Variants in AIG1 observed in about 807,000 individuals in gnomAD.
AIG1 encodes the protein androgen induced 1, also known as androgen-induced gene 1 protein.
A neutral mutation model predicts 31.4 loss-of-function variants in AIG1; 23 were observed. The observed-to-expected ratio is 0.73, with a 90% CI of 0.53 to 1.04. The LOEUF is 1.04. AIG1 is among the 50% of genes least tolerant of loss of function. The pLI is 0.00. For synonymous variants in AIG1, 100 were observed against 110.5 expected (o/e 0.90, Z 0.60); for missense variants, 274 against 295.0 (o/e 0.93, Z 0.52).
rs116644953 is a variant in AIG1 at position 143,115,933 on chromosome 6, C to T, written c.142-20902C>T. ...CAACACACTTGATGGTCCTGGTTAG[C>T]ATTAACATGACATAGTTTTATGACT... On this transcript the variant is annotated intron_variant, in intron 1 of 5. Coordinates refer to ENST00000357847, the MANE Select transcript of AIG1 (RefSeq NM_016108.4). Among the ~76,000 whole-genome samples, 439 of 152,326 alleles carry T rather than the reference C, an allele frequency of 2.9e-3. 3 individuals carry two copies. Among genetic ancestry groups the T allele is most frequent in the African/African-American group, 0.01 (417 of 41,584 alleles).
rs142203260 is a variant in AIG1 at position 143,127,905 on chromosome 6, C to G, written c.142-8930C>G. 2.9e-3 allele frequency among the ~76,000 whole-genome samples: 445 copies of G among 152,234 alleles called. 13 individuals carry two copies. The East Asian group carries it at 0.054, about 18-fold the overall frequency. ...GTTTTACCATGTTGGCCAGGCTGGT[C>G]TGGAACTCCTGACCTCAAGTGATCC... On this transcript the variant is annotated intron_variant, in intron 1 of 5. Transcript: ENST00000357847.
chr6:143,278,126 A>G (rs1254343136), intron 3 of AIG1, among the ~76,000 whole-genome samples: 1 of 152,190 alleles, frequency 6.6e-6, no homozygotes, highest in African/African-American at 2.4e-5. Context: ...TAGTGTGAAC[A>G]TTTTTCCTTT....
At position 143,119,160 on chromosome 6, in the gene AIG1, A is replaced by G. The variant is rs370275545; in HGVS notation, c.142-17675A>G. Among the ~76,000 whole-genome samples, 31 of 152,280 alleles carry G rather than the reference A, an allele frequency of 2.0e-4. No individual in the cohort carries two copies. The East Asian group carries it at 3.9e-3, about 19-fold the overall frequency. The stretch of plus-strand genomic sequence containing the variant: ...AAGAGCAAAAGAATTTTCAAAGTAC[A>G]TAGCGTGCTTATCACCTGCTGACAA... On this transcript the variant is annotated intron_variant, in intron 1 of 5. Transcript: ENST00000357847.
chr6:143,071,215 A>G (rs773413313), intron 1 of AIG1, among the ~76,000 whole-genome samples: 5 of 152,184 alleles, frequency 3.3e-5, no homozygotes, highest in Admixed American at 2.0e-4. Flanking sequence ...TGCTTTTTTT[A>G]AAAATCAGAA....
At chr6:143,243,859 C>T (rs1362461140) in intron 3 of AIG1, among the ~76,000 whole-genome samples, 2 of 152,162 alleles carry the variant, frequency 1.3e-5, no homozygotes, top group African/African-American at 2.4e-5. Flanking sequence ...GCACTCATAC[C>T]TCATCTCCCC....
intron 3 of AIG1, among the ~76,000 whole-genome samples, chr6:143,186,173 T>C (rs924981858): frequency 6.6e-6 from 1 of 152,240 alleles, no homozygotes; most frequent in South Asian, 2.1e-4. Flanking sequence ...TCTCTGTACC[T>C]GTCTCCATGG....
chr6:143,301,768 A>C (rs978749493), intron 4 of AIG1, among the ~76,000 whole-genome samples: 6 of 152,198 alleles, frequency 3.9e-5, no homozygotes, highest in Non-Finnish European at 7.3e-5. Flanking sequence ...ATTATAATTC[A>C]AGGTGAGATT....
At chr6:143,083,718 G>T (rs1778501481) in intron 1 of AIG1, among the ~76,000 whole-genome samples, 1 of 152,172 alleles carries the variant, frequency 6.6e-6, no homozygotes, top group Non-Finnish European at 1.5e-5. Flanking sequence ...TGGGCCTCGG[G>T]TCTAAGTGGG....
At chr6:143,266,355 A>AT (rs1422334719) in intron 3 of AIG1, among the ~76,000 whole-genome samples, 14 of 149,858 alleles carry the variant, frequency 9.3e-5, no homozygotes, top group South Asian at 2.2e-4. Flanking sequence ...TCAAAAAAAA[A>AT]AAAAAAAAAA....
intron 5 of AIG1, 90 bp from the exon 6 acceptor site, chr6:143,339,549 G>C: frequency 1.5e-6 from 2 of 1,320,332 alleles, no homozygotes; most frequent in Non-Finnish European, 2.1e-6. Flanking sequence ...CAGATGAGTG[G>C]ATGTGTGAGT....
chr6:143,138,942 C>T (rs577544179), intron 2 of AIG1, among the ~76,000 whole-genome samples: 1 of 150,014 alleles, frequency 6.7e-6, no homozygotes, highest in South Asian at 2.1e-4. Context: ...AACATGTTTT[C>T]TCTTAGCTCC....
At chr6:143,335,012 A>T in intron 5 of AIG1, 2 of 1,194,218 alleles carry the variant, frequency 1.7e-6, no homozygotes, top group Non-Finnish European at 2.3e-6. Flanking sequence ...CTTTTAAGTA[A>T]CATAAGATTG....
intron 2 of AIG1, among the ~76,000 whole-genome samples, chr6:143,147,629 A>C (rs1784823582): frequency 6.6e-6 from 1 of 152,182 alleles, no homozygotes; most frequent in African/African-American, 2.4e-5. Flanking sequence ...CCCCAGATTC[A>C]TTAATAAAGC....
At chr6:143,146,516 T>TTCTC (rs148829245) in intron 2 of AIG1, among the ~76,000 whole-genome samples, 1 of 145,974 alleles carries the variant, frequency 6.9e-6, no homozygotes, top group African/African-American at 2.5e-5. Flanking sequence ...ACCCCCATCT[T>TTCTC]TCTCTCTCTC....
chr6:143,270,279 T>C (rs1301599495), intron 3 of AIG1, among the ~76,000 whole-genome samples: 1 of 152,168 alleles, frequency 6.6e-6, no homozygotes, highest in Non-Finnish European at 1.5e-5. Flanking sequence ...GAGCTCAGCA[T>C]TGACCACAGA....
intron 3 of AIG1, chr6:143,189,400 A>C: frequency 7.1e-6 from 7 of 979,546 alleles, no homozygotes; most frequent in Non-Finnish European, 8.5e-6. Flanking sequence ...CATTTTATAT[A>C]GTAACTTATT....
chr6:143,335,167 C>A, intron 5 of AIG1: 2 of 1,325,320 alleles, frequency 1.5e-6, no homozygotes, highest in Non-Finnish European at 1.9e-6. Flanking sequence ...TGCTGGCCTC[C>A]CCCAACTTCT....
intron 1 of AIG1, among the ~76,000 whole-genome samples, chr6:143,083,436 C>G (rs1267315081): frequency 6.6e-6 from 1 of 152,124 alleles, no homozygotes; most frequent in Non-Finnish European, 1.5e-5. Context: ...AATTGAGAGT[C>G]AGGATGTACA....
chr6:143,103,258 T>C lies in AIG1; in HGVS notation c.142-33577T>C, dbSNP rs549892039. Among the ~76,000 whole-genome samples the C allele has an allele frequency of 8.5e-5, 13 of 152,176 alleles. No individual in the cohort carries two copies. The South Asian group carries it at 2.5e-3, about 29-fold the overall frequency. ...GCATAGAAGTATAGTGAAAGAGGCA[T>C]GTACAGGATATTACAAATGATTAAA... is the stretch of plus-strand genomic sequence containing the variant. On this transcript the variant is annotated intron_variant, in intron 1 of 5. Coordinates refer to ENST00000357847, the MANE Select transcript of AIG1 (RefSeq NM_016108.4).
Sources: gnomAD v4.1 joint callset for allele counts (sites outside exome capture counted in the v4.1 genomes callset) on GRCh38, gnomAD v4.1.1 for gene constraint, MANE v1.5 for transcripts, NCBI Gene and HGNC (gene_info 2026-07-23, HGNC 2026-07-21) for gene names.